GABRB1: variants seen among roughly 807,000 people sequenced by gnomAD.
The protein encoded by GABRB1 is gamma-aminobutyric acid type A receptor subunit beta1.
A neutral mutation model predicts 51.6 loss-of-function variants in GABRB1; 17 were observed. That is an observed-to-expected ratio of 0.33 (90% CI 0.23 to 0.49). The LOEUF (loss-of-function observed/expected upper bound fraction) is 0.49, where lower values mean the gene tolerates loss of function less well. Ranked by LOEUF, GABRB1 falls within the 20% of genes least tolerant of loss-of-function variation. GABRB1 has a pLI of 0.99. For missense variants in GABRB1, 410 were observed against 600.6 expected (o/e 0.68, Z 3.32); for synonymous variants, 247 against 218.9 (o/e 1.13, Z -1.14).
In GABRB1 at chr4:47,032,755, A is replaced by T. The variant is rs747177640; in HGVS notation, c.240+271A>T. On this transcript the variant is annotated intron_variant, in intron 3 of 8. Coordinates refer to ENST00000295454, the MANE Select transcript of GABRB1 (RefSeq NM_000812.4). ...TTGCGCCGTGGATCTGCTGGGGCGG[A>T]GTCTGAGCGTTACTTTAGCTGGGTT... 6 of 669,378 alleles carry T rather than the reference A, an allele frequency of 9.0e-6. No individual in the cohort carries two copies. In the South Asian group the frequency reaches 9.1e-5, roughly 10 times the overall value. 41.5% of individuals were successfully genotyped at this position (669,378 alleles called of 1,614,324 possible).
intron 3 of GABRB1, among the ~76,000 whole-genome samples, chr4:47,080,646 G>T (rs546216149): frequency 6.6e-5 from 10 of 152,030 alleles, no homozygotes; most frequent in Non-Finnish European, 1.2e-4. Flanking sequence ...CAAATTCTTG[G>T]GCTCAAGGGA....
At chr4:47,121,064 C>G (rs749033435) in intron 3 of GABRB1, among the ~76,000 whole-genome samples, 2 of 152,098 alleles carry the variant, frequency 1.3e-5, no homozygotes, top group Non-Finnish European at 2.9e-5. Flanking sequence ...CTTAGACTAC[C>G]ATTCAAGTTT....
chr4:47,375,581 T>A (rs1727348704), intron 5 of GABRB1, among the ~76,000 whole-genome samples: 1 of 152,190 alleles, frequency 6.6e-6, no homozygotes, highest in Admixed American at 6.5e-5. Flanking sequence ...CACTCAACGA[T>A]CCAGATGATG....
At chr4:47,328,782 G>A (rs926749563) in intron 5 of GABRB1, among the ~76,000 whole-genome samples, 8 of 151,978 alleles carry the variant, frequency 5.3e-5, no homozygotes, top group East Asian at 1.9e-4. Flanking sequence ...AGGGGGGAGC[G>A]GGGAGGGATA....
At chr4:47,039,999 A>G (rs1299178097) in intron 3 of GABRB1, among the ~76,000 whole-genome samples, 1 of 152,216 alleles carries the variant, frequency 6.6e-6, no homozygotes, top group Non-Finnish European at 1.5e-5. Flanking sequence ...ATAGTTATTC[A>G]TCTTGGAAGT....
chr4:47,068,645 A>G (rs995103895), intron 3 of GABRB1, among the ~76,000 whole-genome samples: 1 of 152,140 alleles, frequency 6.6e-6, no homozygotes, highest in African/African-American at 2.4e-5. Context: ...ACATTTATCA[A>G]TTGTTTGCTC....
At chr4:47,237,665 A>G (rs1292875256) in intron 4 of GABRB1, among the ~76,000 whole-genome samples, 1 of 152,040 alleles carries the variant, frequency 6.6e-6, no homozygotes, top group Non-Finnish European at 1.5e-5. Flanking sequence ...TTTACCTCCA[A>G]TATATTAGTA....
intron 4 of GABRB1, among the ~76,000 whole-genome samples, chr4:47,246,104 T>A (rs1359646973): frequency 6.7e-6 from 1 of 149,584 alleles, no homozygotes; most frequent in Non-Finnish European, 1.5e-5. Context: ...GTCCATTGTA[T>A]CATTCTTATG....
chr4:47,398,562 AGAG>A (rs1244369449), intron 5 of GABRB1, among the ~76,000 whole-genome samples: 1 of 147,612 alleles, frequency 6.8e-6, no homozygotes, highest in Non-Finnish European at 1.5e-5. Flanking sequence ...ATATATAGAG[AGAG>A]AGAGAGAGAG....
chr4:47,067,666 G>A lies in GABRB1; in HGVS notation c.240+35182G>A, dbSNP rs561110051. 9.9e-5 allele frequency among the ~76,000 whole-genome samples: 15 copies of A among 151,604 alleles called. 1 individual carries two copies. Among genetic ancestry groups the A allele is most frequent in the South Asian group, 2.1e-4 (1 of 4,762 alleles). Reference sequence around the variant, plus strand: ...TTGTTATTGTTATTATTTGAGTCTCGCTCTGTCGCCCAGGCTGGAGTGGAA... The same window carrying A: ...TTGTTATTGTTATTATTTGAGTCTCACTCTGTCGCCCAGGCTGGAGTGGAA... On this transcript the variant is annotated intron_variant, in intron 3 of 8. Transcript: ENST00000295454.
At chr4:47,270,123 T>C (rs1006311778) in intron 4 of GABRB1, among the ~76,000 whole-genome samples, 2 of 152,150 alleles carry the variant, frequency 1.3e-5, no homozygotes, top group African/African-American at 2.4e-5. Flanking sequence ...TCCAAAACAG[T>C]GTTGAGGGCT....
intron 4 of GABRB1, among the ~76,000 whole-genome samples, chr4:47,263,264 A>C (rs1722520373): frequency 6.6e-6 from 1 of 152,140 alleles, no homozygotes; most frequent in Non-Finnish European, 1.5e-5. Context: ...TAAAATTTTA[A>C]GGCAAAATTA....
chr4:47,050,199 T>C (rs1354347652), intron 3 of GABRB1, among the ~76,000 whole-genome samples: 2 of 152,098 alleles, frequency 1.3e-5, no homozygotes, highest in Non-Finnish European at 2.9e-5. Flanking sequence ...ACTAAGTTAT[T>C]GGGGTGGGAG....
chr4:47,035,397 C>G (rs994936975), intron 3 of GABRB1, among the ~76,000 whole-genome samples: 7 of 152,076 alleles, frequency 4.6e-5, no homozygotes, highest in African/African-American at 1.7e-4. Context: ...GAATGCAAAA[C>G]TTGTGAAGAA....
intron 4 of GABRB1, among the ~76,000 whole-genome samples, chr4:47,241,302 G>C (rs1485019056): frequency 6.6e-6 from 1 of 152,110 alleles, no homozygotes; most frequent in Non-Finnish European, 1.5e-5. Context: ...TGTAGGATGA[G>C]ACTGGTAATT....
chr4:47,190,174 C>T (rs73815407), intron 4 of GABRB1, among the ~76,000 whole-genome samples: 1 of 152,060 alleles, frequency 6.6e-6, no homozygotes, highest in Non-Finnish European at 1.5e-5. Context: ...TGTGAACATA[C>T]CTGACAAGGT....
At position 47,404,179 on chromosome 4, in the gene GABRB1, G is replaced by A. The variant is rs577361399; in HGVS notation, c.835+468G>A. ...CTAAAATTAAATCGTATCAAGCCAC[G>A]TCTCCTTTAAATGGAGTTTATTACA... On this transcript the variant is annotated intron_variant, in intron 7 of 8. Coordinates refer to ENST00000295454, the MANE Select transcript of GABRB1 (RefSeq NM_000812.4). Among the ~76,000 whole-genome samples the A allele has an allele frequency of 7.9e-5, 12 of 152,182 alleles. No individual in the cohort carries two copies. In the South Asian group the frequency reaches 1.9e-3, roughly 24 times the overall value.
chr4:47,080,463 T>C (rs1367239550), intron 3 of GABRB1, among the ~76,000 whole-genome samples: 3 of 152,168 alleles, frequency 2.0e-5, no homozygotes, highest in Admixed American at 6.5e-5. Flanking sequence ...AGAGTAATTA[T>C]GAAGTATTAA....
chr4:47,407,792 T>A (rs1728626342), intron 8 of GABRB1, among the ~76,000 whole-genome samples: 1 of 152,162 alleles, frequency 6.6e-6, no homozygotes, highest in Admixed American at 6.6e-5. Context: ...AAGGATAATT[T>A]TAGTTACTAG....
Sources: gnomAD v4.1 joint callset for allele counts (sites outside exome capture counted in the v4.1 genomes callset) on GRCh38, gnomAD v4.1.1 for gene constraint, MANE v1.5 for transcripts, NCBI Gene and HGNC (gene_info 2026-07-23, HGNC 2026-07-21) for gene names.